The following SBF2 variants were observed in gnomAD, a reference collection of about 807,000 sequenced individuals.
SBF2 encodes the protein myotubularin-related protein 13.
SBF2 carries 112 observed loss-of-function variants against 225.2 expected under a neutral mutation model. The ratio of observed to expected loss-of-function variants is 0.50; its 90% CI spans 0.43 to 0.58. The LOEUF (loss-of-function observed/expected upper bound fraction) is 0.58. Ranked by LOEUF, SBF2 falls within the 20% of genes least tolerant of loss-of-function variation. The pLI is 0.00. For missense variants in SBF2, 1,996 were observed against 2,206.2 expected (o/e 0.90, Z 1.91); for synonymous variants, 763 against 773.3 (o/e 0.99, Z 0.22).
At chr11:9,793,329 G>A (rs886427451) in intron 33 of SBF2, among the ~76,000 whole-genome samples, 8 of 152,028 alleles carry the variant, frequency 5.3e-5, no homozygotes, top group South Asian at 4.1e-4. Flanking sequence ...GGCTCTACCC[G>A]TGGGACCAGT....
intron 2 of SBF2, among the ~76,000 whole-genome samples, chr11:10,154,276 G>C (rs1955361612): frequency 6.6e-6 from 1 of 152,030 alleles, no homozygotes; most frequent in African/African-American, 2.4e-5. Context: ...AGTTTTAGTA[G>C]TGTTTGGAGA....
At chr11:9,941,553 A>G (rs12099014) in intron 16 of SBF2, among the ~76,000 whole-genome samples, 16,790 of 152,246 alleles carry the variant, frequency 0.11, 1,040 homozygotes, top group East Asian at 0.3. Flanking sequence ...TTTCAATCAT[A>G]AAAATAATTG....
chr11:9,857,896 A>G (rs1857434917), intron 18 of SBF2, among the ~76,000 whole-genome samples: 1 of 152,204 alleles, frequency 6.6e-6, no homozygotes, highest in Non-Finnish European at 1.5e-5. Flanking sequence ...TTAATTTGAC[A>G]TTCCTCCAGG....
At chr11:10,273,005 G>C (rs942573253) in intron 1 of SBF2, among the ~76,000 whole-genome samples, 1 of 151,982 alleles carries the variant, frequency 6.6e-6, no homozygotes, top group African/African-American at 2.4e-5. Flanking sequence ...GGGAGACAGA[G>C]GTTGCAGTGA....
At chr11:9,862,845 T>C (rs754545629) in intron 17 of SBF2, among the ~76,000 whole-genome samples, 6 of 152,230 alleles carry the variant, frequency 3.9e-5, no homozygotes, top group Admixed American at 6.5e-5. Flanking sequence ...TTGGTCTGTA[T>C]ACTAGCATCA....
intron 17 of SBF2, among the ~76,000 whole-genome samples, chr11:9,888,808 G>C (rs1288475806): frequency 6.6e-6 from 1 of 152,178 alleles, no homozygotes; most frequent in Non-Finnish European, 1.5e-5. Context: ...ACAGAATTGA[G>C]TGAGTCCTGT....
At chr11:10,171,444 G>GGT (rs1440592802) in intron 2 of SBF2, among the ~76,000 whole-genome samples, 2 of 152,130 alleles carry the variant, frequency 1.3e-5, no homozygotes, top group Non-Finnish European at 2.9e-5. Flanking sequence ...CACGTTGATT[G>GGT]GTGTGTGTGT....
chr11:10,269,113 T>A (rs1441214940), intron 1 of SBF2, among the ~76,000 whole-genome samples: 1 of 152,196 alleles, frequency 6.6e-6, no homozygotes, highest in Admixed American at 6.5e-5. Flanking sequence ...GCAATATACC[T>A]CAAAACTATT....
chr11:10,099,624 A>G (rs1038304068), intron 2 of SBF2, among the ~76,000 whole-genome samples: 1 of 152,210 alleles, frequency 6.6e-6, no homozygotes, highest in African/African-American at 2.4e-5. Flanking sequence ...AAAGACAACT[A>G]TTAAAGTGAC....
intron 16 of SBF2, chr11:9,959,382 C>G: frequency 1.2e-6 from 1 of 807,878 alleles, no homozygotes; most frequent in Non-Finnish European, 2.2e-6. Flanking sequence ...GGGTGCCCGT[C>G]TGTCCCCATG....
chr11:9,942,975 AAG>A (rs1191797937), intron 16 of SBF2, among the ~76,000 whole-genome samples: 3 of 132,560 alleles, frequency 2.3e-5, no homozygotes, highest in Admixed American at 8.6e-5. Context: ...AGGAAAAAGA[AAG>A]AGGAAGAAAG....
chr11:10,252,742 G>GGAGCTTGCAGC (rs147205816), intron 1 of SBF2, among the ~76,000 whole-genome samples: 11 of 149,984 alleles, frequency 7.3e-5, no homozygotes, highest in Admixed American at 4.6e-4. Context: ...CCTGGGAGGC[G>GGAGCTTGCAGC]GAGCTTGCAG....
At chr11:10,229,968 A>C (rs926617124) in intron 1 of SBF2, among the ~76,000 whole-genome samples, 6 of 152,200 alleles carry the variant, frequency 3.9e-5, no homozygotes, top group East Asian at 3.9e-4. Context: ...GTAGGTCACT[A>C]AGGACTTGCT....
chr11:10,261,775 A>T (rs1961453987), intron 1 of SBF2, among the ~76,000 whole-genome samples: 1 of 152,232 alleles, frequency 6.6e-6, no homozygotes, highest in Non-Finnish European at 1.5e-5. Flanking sequence ...ACATAATGGA[A>T]TATCATTCAG....
chr11:10,252,723 T>C (rs1207954809), intron 1 of SBF2, among the ~76,000 whole-genome samples: 1 of 150,354 alleles, frequency 6.7e-6, no homozygotes, highest in Non-Finnish European at 1.5e-5. Context: ...GGCAGGAGAA[T>C]GGCGTGCACC....
At chr11:10,166,713 A>C (rs1371137689) in intron 2 of SBF2, among the ~76,000 whole-genome samples, 2 of 152,134 alleles carry the variant, frequency 1.3e-5, no homozygotes, top group Non-Finnish European at 2.9e-5. Flanking sequence ...CTGTAATCCT[A>C]GCACTTTGGG....
At chr11:10,170,584 T>C (rs28860511) in intron 2 of SBF2, among the ~76,000 whole-genome samples, 1 of 152,028 alleles carries the variant, frequency 6.6e-6, no homozygotes. Flanking sequence ...TTTTTAATTT[T>C]ATTTTTATTT....
At chr11:9,951,684 C>T (rs942585379) in intron 16 of SBF2, among the ~76,000 whole-genome samples, 4 of 152,086 alleles carry the variant, frequency 2.6e-5, no homozygotes, top group Non-Finnish European at 5.9e-5. Context: ...CCCAGTTTCA[C>T]GGACAAATAA....
At chr11:10,169,501 T>C (rs555736497) in intron 2 of SBF2, among the ~76,000 whole-genome samples, 2 of 152,340 alleles carry the variant, frequency 1.3e-5, no homozygotes, top group East Asian at 3.9e-4. Context: ...TTGTTGCAAA[T>C]GACAGAATCT....
Sources: gnomAD v4.1 joint callset for allele counts (sites outside exome capture counted in the v4.1 genomes callset) on GRCh38, gnomAD v4.1.1 for gene constraint, MANE v1.5 for transcripts, NCBI Gene and HGNC (gene_info 2026-07-23, HGNC 2026-07-21) for gene names.